The following EYS variants were observed in gnomAD, a reference collection of about 807,000 sequenced individuals.
The protein encoded by EYS is EGF-like photoreceptor maintenance factor, also known as protein eyes shut homolog.
In EYS, 250 loss-of-function variants were observed where a neutral mutation model predicts 282.1. The observed-to-expected ratio is 0.89, with a 90% confidence interval of 0.80 to 0.98. The LOEUF is 0.98. EYS is among the 50% of genes least tolerant of loss of function. The probability of loss-of-function intolerance (pLI) is 0.00; values close to 1 mark genes in which losing one functional copy is unlikely to be tolerated. For synonymous variants in EYS, 1,355 were observed against 1,282.9 expected, an observed-to-expected ratio of 1.06 and a Z score of -1.20; for missense variants, 4,016 against 3,709.0, an observed-to-expected ratio of 1.08 and a Z score of -2.15.
intron 1 of EYS, among the ~76,000 whole-genome samples, chr6:65,683,932 C>A (rs1171471211): frequency 6.6e-6 from 1 of 151,916 alleles, no homozygotes; most frequent in Admixed American, 6.6e-5. Context: ...ATTTCATTTT[C>A]TTTGCAATAA....
intron 13 of EYS, among the ~76,000 whole-genome samples, chr6:65,021,126 C>T (rs1772241541): frequency 6.6e-6 from 1 of 152,116 alleles, no homozygotes; most frequent in Non-Finnish European, 1.5e-5. Context: ...ACATTCTGCT[C>T]CTCATTACTT....
intron 36 of EYS, among the ~76,000 whole-genome samples, chr6:63,833,058 G>A (rs1188416950): frequency 6.6e-6 from 1 of 152,050 alleles, no homozygotes; most frequent in African/African-American, 2.4e-5. Context: ...GTATTGATGG[G>A]ATGTATCTCA....
At chr6:64,014,823 C>G (rs1385037816) in intron 33 of EYS, among the ~76,000 whole-genome samples, 1 of 151,584 alleles carries the variant, frequency 6.6e-6, no homozygotes, top group East Asian at 1.9e-4. Flanking sequence ...ACACCACTTC[C>G]CCTTCTAACT....
chr6:63,852,216 A>G (rs528651401), intron 36 of EYS, among the ~76,000 whole-genome samples: 114 of 150,784 alleles, frequency 7.6e-4, no homozygotes, highest in Admixed American at 7.0e-3. Flanking sequence ...TTTTGAAAAT[A>G]TTAACAAAAT....
chr6:64,944,533 T>G (rs1394838782), intron 15 of EYS, among the ~76,000 whole-genome samples: 2 of 152,054 alleles, frequency 1.3e-5, no homozygotes, highest in African/African-American at 4.8e-5. Context: ...CGTAGGGACC[T>G]CTGCCCTTGA....
intron 14 of EYS, among the ~76,000 whole-genome samples, chr6:64,993,623 G>A (rs1392439363): frequency 6.7e-6 from 1 of 150,230 alleles, no homozygotes; most frequent in Admixed American, 6.6e-5. Flanking sequence ...TATACCTAAT[G>A]TTAAATGACG....
At chr6:64,270,889 G>C (rs910156832) in intron 30 of EYS, among the ~76,000 whole-genome samples, 1 of 151,928 alleles carries the variant, frequency 6.6e-6, no homozygotes, top group Non-Finnish European at 1.5e-5. Context: ...AATTTTATTT[G>C]TGTTTATAAC....
intron 13 of EYS, among the ~76,000 whole-genome samples, chr6:65,051,446 G>A (rs926734711): frequency 6.6e-6 from 1 of 151,444 alleles, no homozygotes; most frequent in Non-Finnish European, 1.5e-5. Context: ...AATTAAAAAT[G>A]TATATATGTA....
intron 26 of EYS, among the ~76,000 whole-genome samples, chr6:64,479,172 T>C (rs1776363217): frequency 6.6e-6 from 1 of 152,012 alleles, no homozygotes; most frequent in Non-Finnish European, 1.5e-5. Flanking sequence ...AGATTAGCAT[T>C]ACAGTTCTTT....
At chr6:64,011,946 T>C (rs982114153) in intron 33 of EYS, among the ~76,000 whole-genome samples, 5 of 152,222 alleles carry the variant, frequency 3.3e-5, no homozygotes, top group Admixed American at 3.3e-4. Context: ...ACTGGCTTGT[T>C]TATTTTAGAT....
intron 2 of EYS, among the ~76,000 whole-genome samples, chr6:65,597,200 C>G (rs1441817475): frequency 6.6e-6 from 1 of 151,976 alleles, no homozygotes; most frequent in African/African-American, 2.4e-5. Flanking sequence ...AATTGTAGGG[C>G]TCTCCTGTGC....
rs146427648 is a variant in EYS at position 64,689,775 on chromosome 6, T to C, written c.3444-63530A>G. 7.1e-3 allele frequency among the ~76,000 whole-genome samples: 1,075 copies of C among 152,302 alleles called. 11 individuals carry two copies. The highest frequency in any genetic ancestry group is 0.024 in the African/African-American group (1,010 of 41,562). On this transcript the variant is annotated intron_variant, in intron 22 of 42. Transcript: ENST00000503581. Reference sequence around the variant, plus strand: ...GTGCTGGGAAAACTGGCTAGCCATATGTAGAAAGCTGAGACTGGATCCCTT... The same window carrying C: ...GTGCTGGGAAAACTGGCTAGCCATACGTAGAAAGCTGAGACTGGATCCCTT...
intron 41 of EYS, among the ~76,000 whole-genome samples, chr6:63,733,366 G>A (rs1261744772): frequency 2.0e-5 from 3 of 152,090 alleles, no homozygotes; most frequent in Non-Finnish European, 2.9e-5. Context: ...GAGGTTTGGC[G>A]TACAATTGAT....
At chr6:63,950,492 ACT>A (rs1176132895) in intron 35 of EYS, among the ~76,000 whole-genome samples, 1 of 151,114 alleles carries the variant, frequency 6.6e-6, no homozygotes, top group African/African-American at 2.4e-5. Context: ...CCCTTCTCTG[ACT>A]CTCTTTTCAG....
chr6:65,488,386 T>C (rs1765893306), intron 5 of EYS, among the ~76,000 whole-genome samples: 1 of 152,168 alleles, frequency 6.6e-6, no homozygotes, highest in African/African-American at 2.4e-5. Context: ...TTTGTTCTCA[T>C]TGGTTTCAAA....
chr6:64,412,074 T>C (rs1234367158), intron 28 of EYS, among the ~76,000 whole-genome samples: 4 of 151,580 alleles, frequency 2.6e-5, no homozygotes, highest in Admixed American at 2.6e-4. Context: ...ACTTCATTAC[T>C]AGATTATGAA....
chr6:64,426,264 TG>T (rs1411360187), intron 28 of EYS, among the ~76,000 whole-genome samples: 1 of 152,224 alleles, frequency 6.6e-6, no homozygotes, highest in Non-Finnish European at 1.5e-5. Flanking sequence ...TTGTACATGT[TG>T]TCCCAGAGTC....
intron 8 of EYS, among the ~76,000 whole-genome samples, chr6:65,359,586 A>G (rs1764620442): frequency 6.6e-6 from 1 of 152,030 alleles, no homozygotes; most frequent in Admixed American, 6.6e-5. Context: ...AAATTATGGC[A>G]TATACCTAGA....
At chr6:65,599,234 AT>A (rs202020096) in intron 2 of EYS, among the ~76,000 whole-genome samples, 1,936 of 152,212 alleles carry the variant, frequency 0.013, 26 homozygotes, top group African/African-American at 0.043. Context: ...ATTGAAAAAA[AT>A]CTGCATATAA....
Sources: allele counts gnomAD v4.1 joint callset (sites outside exome capture counted in the v4.1 genomes callset), GRCh38; gene constraint gnomAD v4.1.1; transcripts MANE v1.5; gene names NCBI Gene and HGNC (gene_info 2026-07-23, HGNC 2026-07-21).